Variants in GRIA4 observed in about 807,000 individuals in gnomAD.
The protein encoded by GRIA4 is glutamate receptor 4.
In GRIA4, 34 loss-of-function variants were observed where a neutral mutation model predicts 104.0. That is an observed-to-expected ratio of 0.33 (90% CI 0.25 to 0.44). GRIA4 has a LOEUF of 0.44. Among genes scored for constraint, GRIA4 ranks in the 20% least tolerant of loss-of-function variants. The probability of loss-of-function intolerance (pLI) is 1.00; values close to 1 mark genes in which losing one functional copy is unlikely to be tolerated. For missense variants in GRIA4, 750 were observed against 1,096.5 expected (o/e 0.68, Z 4.46); for synonymous variants, 386 against 381.9 (o/e 1.01, Z -0.13).
chr11:105,934,052 T>A, intron 14 of GRIA4, 83 bp downstream of exon 14: 1 of 1,180,072 alleles, frequency 8.5e-7, no homozygotes, highest in East Asian at 2.4e-5. Flanking sequence ...TTATTTTGTT[T>A]TGTGTGTGAA....
chr11:105,902,858 G>A (rs1319572414), intron 7 of GRIA4, among the ~76,000 whole-genome samples: 1 of 152,110 alleles, frequency 6.6e-6, no homozygotes, highest in Non-Finnish European at 1.5e-5. Flanking sequence ...ACAGTGACTA[G>A]TACATACCCA....
chr11:105,851,406 T>C (rs1944803951), intron 4 of GRIA4, among the ~76,000 whole-genome samples: 1 of 152,226 alleles, frequency 6.6e-6, no homozygotes, highest in African/African-American at 2.4e-5. Flanking sequence ...GTATACTTAA[T>C]ACTTTCCAAA....
chr11:105,628,814 G>T (rs888203641), intron 3 of GRIA4, among the ~76,000 whole-genome samples: 4 of 152,082 alleles, frequency 2.6e-5, no homozygotes, highest in Admixed American at 2.0e-4. Context: ...TCATTTAACA[G>T]AATTGATAAA....
chr11:105,668,159 A>G (rs1372165701), intron 3 of GRIA4, among the ~76,000 whole-genome samples: 1 of 148,770 alleles, frequency 6.7e-6, no homozygotes, highest in African/African-American at 2.5e-5. Flanking sequence ...AAATTGCAGG[A>G]TGTCCCTTTT....
chr11:105,881,581 AG>A (rs1162777468), intron 5 of GRIA4, among the ~76,000 whole-genome samples: 1 of 152,112 alleles, frequency 6.6e-6, no homozygotes, highest in African/African-American at 2.4e-5. Flanking sequence ...CTACTTTGAG[AG>A]GCAGCCATTC....
chr11:105,788,992 C>T (rs1300374450), intron 4 of GRIA4, among the ~76,000 whole-genome samples: 1 of 152,100 alleles, frequency 6.6e-6, no homozygotes, highest in Non-Finnish European at 1.5e-5. Flanking sequence ...GGAATTAGGA[C>T]TTAGGACTAA....
chr11:105,632,909 T>C (rs1256739006), intron 3 of GRIA4, among the ~76,000 whole-genome samples: 1 of 152,174 alleles, frequency 6.6e-6, no homozygotes, highest in East Asian at 1.9e-4. Context: ...CCAAGCCTCA[T>C]GTATACAAAA....
chr11:105,634,644 A>G (rs1951157493), intron 3 of GRIA4, among the ~76,000 whole-genome samples: 1 of 152,200 alleles, frequency 6.6e-6, no homozygotes, highest in Non-Finnish European at 1.5e-5. Flanking sequence ...ACCCTCGACC[A>G]GAAATCAGAC....
intron 10 of GRIA4, among the ~76,000 whole-genome samples, chr11:105,910,976 G>C (rs1272784239): frequency 1.3e-5 from 2 of 151,948 alleles, no homozygotes; most frequent in African/African-American, 4.8e-5. Context: ...ATAATTTTCA[G>C]GTAGTTCAAT....
In GRIA4 at chr11:105,926,776, G is replaced by A. The variant is rs1218874858; in HGVS notation, c.1883G>A (p.Trp628Ter). The change falls in exon 13 of 17, where the codon TGG (tryptophan) becomes TAG (stop). Residue 628 changes from tryptophan to a stop codon, truncating the protein, a stop_gained. Coordinates refer to ENST00000282499, the MANE Select transcript of GRIA4 (RefSeq NM_000829.4). LOFTEE classifies it high-confidence loss of function. Reference sequence around the variant, plus strand: ...GGTCGAATTGTTGGAGGTGTTTGGTGGTTCTTTACACTCATCATTATATCA... The same window carrying A: ...GGTCGAATTGTTGGAGGTGTTTGGTAGTTCTTTACACTCATCATTATATCA... Reference protein sequence around the residue: ...LSGRIVGGVWWFFTLIIISSY... With the variant: ...LSGRIVGGVW The A allele has an allele frequency of 6.2e-7, 1 of 1,610,136 alleles. No homozygotes were observed. The highest frequency in any genetic ancestry group is 8.5e-7 in the Non-Finnish European group (1 of 1,176,842).
chr11:105,961,531 G>C (rs568565296), intron 14 of GRIA4, among the ~76,000 whole-genome samples: 2 of 152,326 alleles, frequency 1.3e-5, no homozygotes, highest in South Asian at 4.1e-4. Context: ...GAGCACTCCA[G>C]TGAAGAGGTC....
chr11:105,713,671 G>T (rs1240189243), intron 3 of GRIA4, among the ~76,000 whole-genome samples: 1 of 152,086 alleles, frequency 6.6e-6, no homozygotes, highest in Non-Finnish European at 1.5e-5. Flanking sequence ...CCTTGTACAA[G>T]AAAGTTTTTA....
intron 3 of GRIA4, among the ~76,000 whole-genome samples, chr11:105,736,654 A>C (rs1481271834): frequency 6.6e-6 from 1 of 152,008 alleles, no homozygotes; most frequent in Admixed American, 6.6e-5. Flanking sequence ...CAATGATTAA[A>C]CTTCTTTTTA....
At chr11:105,734,977 C>T (rs545309504) in intron 3 of GRIA4, among the ~76,000 whole-genome samples, 24 of 152,064 alleles carry the variant, frequency 1.6e-4, no homozygotes, top group Non-Finnish European at 3.1e-4. Flanking sequence ...GTTATAGCCA[C>T]GATGATATTA....
At chr11:105,956,148 ACAT>A (rs1407967884) in intron 14 of GRIA4, among the ~76,000 whole-genome samples, 1 of 103,144 alleles carries the variant, frequency 9.7e-6, no homozygotes, top group Non-Finnish European at 1.9e-5. Context: ...GTTCTAGGGT[ACAT>A]GTGCACAATA....
At chr11:105,615,310 A>C (rs1191639715) in intron 3 of GRIA4, among the ~76,000 whole-genome samples, 3 of 151,908 alleles carry the variant, frequency 2.0e-5, no homozygotes, top group Non-Finnish European at 2.9e-5. Context: ...TTCTGTGTAT[A>C]GAGTTTACAT....
chr11:105,947,244 C>G (rs894983928), intron 14 of GRIA4, among the ~76,000 whole-genome samples: 1 of 152,148 alleles, frequency 6.6e-6, no homozygotes, highest in African/African-American at 2.4e-5. Flanking sequence ...TTTTGACTTT[C>G]TCTCTCACTG....
intron 3 of GRIA4, among the ~76,000 whole-genome samples, chr11:105,662,958 G>A (rs1469464400): frequency 6.6e-6 from 1 of 151,832 alleles, no homozygotes; most frequent in Non-Finnish European, 1.5e-5. Context: ...GACACAGAGA[G>A]TAAATACATA....
At chr11:105,741,634 A>G (rs1330000207) in intron 3 of GRIA4, among the ~76,000 whole-genome samples, 1 of 152,192 alleles carries the variant, frequency 6.6e-6, no homozygotes, top group Non-Finnish European at 1.5e-5. Context: ...TCAACTCCTC[A>G]TAATTATTCC....
Sources: gnomAD v4.1 joint callset for allele counts (sites outside exome capture counted in the v4.1 genomes callset) on GRCh38, gnomAD v4.1.1 for gene constraint, MANE v1.5 for transcripts, NCBI Gene and HGNC (gene_info 2026-07-23, HGNC 2026-07-21) for gene names.